CFAP299: variants seen among roughly 807,000 people sequenced by gnomAD.
CFAP299 encodes cilia and flagella associated protein 299, also known as cilia- and flagella-associated protein 299.
Under a neutral mutation model 27.0 loss-of-function variants are expected in CFAP299, and 21 were observed. The observed-to-expected ratio is 0.78, with a 90% CI of 0.55 to 1.12. The LOEUF is 1.12. Ranked by LOEUF, CFAP299 falls within the 50% of genes most tolerant of loss-of-function variation. CFAP299 has a pLI of 0.00. For synonymous variants in CFAP299, 104 were observed against 98.1 expected, an observed-to-expected ratio of 1.06 and a Z score of -0.36; for missense variants, 310 against 276.6, an observed-to-expected ratio of 1.12 and a Z score of -0.86.
chr4:80,356,658 A>G (rs944146753), intron 1 of CFAP299, among the ~76,000 whole-genome samples: 1 of 152,020 alleles, frequency 6.6e-6, no homozygotes, highest in African/African-American at 2.4e-5. Context: ...GTGTTTAGGA[A>G]TGCTTGTGAT....
At chr4:80,540,901 G>T in intron 2 of CFAP299, among the ~76,000 whole-genome samples, 1 of 152,028 alleles carries the variant, frequency 6.6e-6, no homozygotes, top group East Asian at 1.9e-4. Flanking sequence ...TTCAACTTTT[G>T]TGAAACTCTC....
At chr4:80,416,670 A>T (rs1578419252) in intron 2 of CFAP299, among the ~76,000 whole-genome samples, 1 of 152,258 alleles carries the variant, frequency 6.6e-6, no homozygotes, top group Non-Finnish European at 1.5e-5. Context: ...TAAATAAAAG[A>T]TAATTTGTAC....
rs1026675182 is a variant in CFAP299 at position 80,700,402 on chromosome 4, G to C, written c.333+117219G>C. Among the ~76,000 whole-genome samples the C allele has an allele frequency of 2.0e-5, 3 of 152,044 alleles. No individual in the cohort carries two copies. The East Asian group carries it at 5.8e-4, about 29-fold the overall frequency. On this transcript the variant is annotated intron_variant, in intron 3 of 5. Transcript: ENST00000358105. ...TTTGTAATTAATCATAATACTTATT[G>C]TTTCAGTATTATCAGTGGGATGGTG... is the stretch of plus-strand genomic sequence containing the variant.
chr4:80,714,003 T>A (rs1041832106), intron 3 of CFAP299, among the ~76,000 whole-genome samples: 3 of 152,120 alleles, frequency 2.0e-5, no homozygotes, highest in Non-Finnish European at 4.4e-5. Flanking sequence ...ATTAAACTTA[T>A]GAGATAGTGG....
At chr4:80,482,742 A>T (rs1221971579) in intron 2 of CFAP299, among the ~76,000 whole-genome samples, 2 of 152,212 alleles carry the variant, frequency 1.3e-5, no homozygotes, top group Non-Finnish European at 2.9e-5. Context: ...TTTCTTAGAT[A>T]AATTCAAAAA....
chr4:80,942,918 T>C (rs1000492728), intron 4 of CFAP299, among the ~76,000 whole-genome samples: 2 of 152,212 alleles, frequency 1.3e-5, no homozygotes, highest in Non-Finnish European at 2.9e-5. Context: ...TTAAACTGAA[T>C]TAGAAAATCC....
chr4:80,951,799 A>T (rs764668381), intron 5 of CFAP299, among the ~76,000 whole-genome samples: 1 of 152,306 alleles, frequency 6.6e-6, no homozygotes, highest in African/African-American at 2.4e-5. Flanking sequence ...AACTTCATTC[A>T]TTTAAAATAT....
intron 2 of CFAP299, among the ~76,000 whole-genome samples, chr4:80,511,968 T>C (rs1732325585): frequency 6.6e-6 from 1 of 152,188 alleles, no homozygotes; most frequent in Non-Finnish European, 1.5e-5. Flanking sequence ...TTAAAAATTC[T>C]TGAGTTTTGG....
chr4:80,672,894 TTTC>T (rs1470238683), intron 3 of CFAP299, among the ~76,000 whole-genome samples: 1 of 151,890 alleles, frequency 6.6e-6, no homozygotes, highest in East Asian at 1.9e-4. Flanking sequence ...TCTTCTCTCT[TTTC>T]TTCTTTATTA....
chr4:80,741,050 G>A (rs537353993), intron 3 of CFAP299, among the ~76,000 whole-genome samples: 5 of 152,254 alleles, frequency 3.3e-5, no homozygotes, highest in African/African-American at 9.6e-5. Flanking sequence ...TGGCCTGGGT[G>A]ATATCCAAGG....
intron 3 of CFAP299, among the ~76,000 whole-genome samples, chr4:80,659,783 T>G (rs978899151): frequency 2.0e-5 from 3 of 152,084 alleles, no homozygotes; most frequent in Admixed American, 2.0e-4. Context: ...AAGAAAAATA[T>G]TTACTTTGTA....
chr4:80,597,309 T>A (rs961798063), intron 3 of CFAP299, among the ~76,000 whole-genome samples: 1 of 152,194 alleles, frequency 6.6e-6, no homozygotes. Flanking sequence ...TTTGCATTTA[T>A]ATGATTGTTA....
intron 2 of CFAP299, among the ~76,000 whole-genome samples, chr4:80,370,696 C>A (rs113723811): frequency 6.6e-6 from 1 of 152,236 alleles, no homozygotes; most frequent in African/African-American, 2.4e-5. Context: ...GTCTTACATC[C>A]AGGGCATGCT....
intron 2 of CFAP299, among the ~76,000 whole-genome samples, chr4:80,426,123 T>C (rs1391416575): frequency 6.6e-6 from 1 of 151,534 alleles, no homozygotes; most frequent in South Asian, 2.1e-4. Context: ...CTTTTAGTTT[T>C]CTTGTTTTTT....
chr4:80,471,184 C>T (rs1038703357), intron 2 of CFAP299, among the ~76,000 whole-genome samples: 1 of 152,058 alleles, frequency 6.6e-6, no homozygotes, highest in African/African-American at 2.4e-5. Flanking sequence ...CCTTCAGTAC[C>T]TGTGTTCATA....
At chr4:80,743,576 C>CTCT (rs1309005226) in intron 3 of CFAP299, among the ~76,000 whole-genome samples, 1 of 152,100 alleles carries the variant, frequency 6.6e-6, no homozygotes, top group Non-Finnish European at 1.5e-5. Flanking sequence ...CTCAGTAAGG[C>CTCT]TCTTGAAAAG....
intron 2 of CFAP299, among the ~76,000 whole-genome samples, chr4:80,514,760 G>A (rs1578540117): frequency 6.6e-6 from 1 of 151,928 alleles, no homozygotes; most frequent in African/African-American, 2.4e-5. Flanking sequence ...ATAATTTAAT[G>A]TCTTTTTTAT....
chr4:80,520,174 C>T (rs1732836561), intron 2 of CFAP299, among the ~76,000 whole-genome samples: 1 of 152,090 alleles, frequency 6.6e-6, no homozygotes, highest in Admixed American at 6.6e-5. Flanking sequence ...GTTTTCAATA[C>T]CTAATGGGCT....
chr4:80,767,224 G>C (rs1051240865), intron 3 of CFAP299, among the ~76,000 whole-genome samples: 1 of 151,930 alleles, frequency 6.6e-6, no homozygotes, highest in African/African-American at 2.4e-5. Flanking sequence ...TAGACAAAGA[G>C]GTTAATAATG....
Sources: allele counts gnomAD v4.1 joint callset (sites outside exome capture counted in the v4.1 genomes callset), GRCh38; gene constraint gnomAD v4.1.1; transcripts MANE v1.5; gene names NCBI Gene and HGNC (gene_info 2026-07-23, HGNC 2026-07-21).